Variants in ZZZ3 observed in about 807,000 individuals in gnomAD.
The protein encoded by ZZZ3 is ZZ-type zinc finger-containing protein 3.
Under a neutral mutation model 95.2 loss-of-function variants are expected in ZZZ3, and 22 were observed. That is an observed-to-expected ratio of 0.23 (90% CI 0.17 to 0.33). ZZZ3 has a LOEUF of 0.33. ZZZ3 is among the 10% of genes least tolerant of loss of function. The probability of loss-of-function intolerance (pLI) is 1.00; values close to 1 mark genes in which losing one functional copy is unlikely to be tolerated. For missense variants in ZZZ3, 885 were observed against 1,066.5 expected (o/e 0.83, Z 2.37); for synonymous variants, 335 against 358.9 (o/e 0.93, Z 0.75).
chr1:77,652,044 G>C (rs920782244), intron 1 of ZZZ3, among the ~76,000 whole-genome samples: 1 of 150,656 alleles, frequency 6.6e-6, no homozygotes, highest in Non-Finnish European at 1.5e-5. Flanking sequence ...GGTTAAAATG[G>C]TAACTTTTAC....
intron 1 of ZZZ3, among the ~76,000 whole-genome samples, chr1:77,670,426 A>T (rs980497332): frequency 2.6e-5 from 4 of 151,914 alleles, no homozygotes; most frequent in African/African-American, 9.7e-5. Flanking sequence ...ATGCCTGGCT[A>T]ATTTTTTGTT....
Position 77,632,999 on chromosome 1 carries a change from A to C in ZZZ3, c.356T>G (p.Ile119Ser), listed in dbSNP as rs1667952418. 4 of 1,614,008 alleles carry C rather than the reference A, an allele frequency of 2.5e-6. No individual in the cohort carries two copies. The highest frequency in any genetic ancestry group is 3.4e-6 in the Non-Finnish European group (4 of 1,180,012). The change falls in exon 5 of 15, where the codon ATT (isoleucine) becomes AGT (serine). Residue 119 changes from isoleucine to serine, a missense_variant. Physicochemically the swap from Ile to Ser is moderately radical, Grantham distance 142. Around this residue, in one of 5 missense-constraint regions of ZZZ3, gnomAD observed 556 missense variants for 652.9 expected, o/e 0.85. Coordinates refer to ENST00000370801, the MANE Select transcript of ZZZ3 (RefSeq NM_015534.6). ...TEPVSPVLKR[I>S]KRCLRSEAPN... ...TGCTTCAGATCTAAGACAACGCTTA[A>C]TTCTTTTTAAAACTGGTGAAACAGG...
intron 1 of ZZZ3, among the ~76,000 whole-genome samples, chr1:77,651,881 G>A (rs891791551): frequency 1.3e-5 from 2 of 152,034 alleles, no homozygotes; most frequent in South Asian, 2.1e-4. Context: ...GCTGGGCGTG[G>A]TGGCGTGCAT....
At chr1:77,596,248 T>G (rs995316160) in intron 5 of ZZZ3, among the ~76,000 whole-genome samples, 1 of 152,148 alleles carries the variant, frequency 6.6e-6, no homozygotes, top group Admixed American at 6.6e-5. Flanking sequence ...TAAAAAATTT[T>G]TCTTCAGTCT....
chr1:77,629,972 G>A (rs973303076), intron 5 of ZZZ3, among the ~76,000 whole-genome samples: 8 of 151,812 alleles, frequency 5.3e-5, no homozygotes, highest in African/African-American at 1.2e-4. Context: ...AATTATTATC[G>A]GGCAATCTCT....
At chr1:77,572,697 C>T (rs752255315) in intron 12 of ZZZ3, among the ~76,000 whole-genome samples, 3 of 151,842 alleles carry the variant, frequency 2.0e-5, no homozygotes, top group East Asian at 1.9e-4. Flanking sequence ...AATGCAGTGG[C>T]GTCATCCAGG....
chr1:77,609,608 G>A (rs1308558283), intron 5 of ZZZ3, among the ~76,000 whole-genome samples: 2 of 151,922 alleles, frequency 1.3e-5, no homozygotes, highest in Non-Finnish European at 2.9e-5. Flanking sequence ...TCAGCAAAAG[G>A]GTCATTTTTG....
chr1:77,580,977 C>G, intron 9 of ZZZ3, 21 bp downstream of exon 9: 3 of 1,607,168 alleles, frequency 1.9e-6, no homozygotes, highest in Non-Finnish European at 2.6e-6. Context: ...TAAGCCTACA[C>G]GATTTTGAAA....
chr1:77,668,165 A>T (rs1557778949), intron 1 of ZZZ3, among the ~76,000 whole-genome samples: 1 of 151,992 alleles, frequency 6.6e-6, no homozygotes, highest in Admixed American at 6.6e-5. Context: ...CCCCAATGGA[A>T]TTTTTTTTGT....
chr1:77,667,256 A>G (rs1432010849), intron 1 of ZZZ3, among the ~76,000 whole-genome samples: 2 of 152,336 alleles, frequency 1.3e-5, no homozygotes, highest in East Asian at 3.9e-4. Flanking sequence ...ATAAACTCAA[A>G]CTGACACTTC....
At chr1:77,661,632 C>A (rs1426956297) in intron 1 of ZZZ3, among the ~76,000 whole-genome samples, 1 of 152,098 alleles carries the variant, frequency 6.6e-6, no homozygotes, top group African/African-American at 2.4e-5. Context: ...AGATTAACTA[C>A]TTTTCTCTTC....
intron 5 of ZZZ3, among the ~76,000 whole-genome samples, chr1:77,609,498 CAAAG>C (rs145372132): frequency 0.012 from 1,875 of 152,200 alleles, 35 homozygotes; most frequent in African/African-American, 0.044. Context: ...GAAAAATAAA[CAAAG>C]AAACAGCAGA....
chr1:77,650,326 A>G (rs1557762720), intron 1 of ZZZ3, among the ~76,000 whole-genome samples: 1 of 152,240 alleles, frequency 6.6e-6, no homozygotes, highest in Non-Finnish European at 1.5e-5. Flanking sequence ...ATAGTCTAAA[A>G]ATAGTTTCAA....
At chr1:77,680,587 G>A (rs1417156852) in intron 1 of ZZZ3, among the ~76,000 whole-genome samples, 3 of 152,094 alleles carry the variant, frequency 2.0e-5, no homozygotes, top group Non-Finnish European at 2.9e-5. Flanking sequence ...TAGGTTTGGC[G>A]GGGGGAAATT....
At chr1:77,598,787 T>C (rs1664453367) in intron 5 of ZZZ3, among the ~76,000 whole-genome samples, 1 of 152,184 alleles carries the variant, frequency 6.6e-6, no homozygotes, top group East Asian at 1.9e-4. Context: ...TTAGATATTA[T>C]CTCTATTTTA....
intron 5 of ZZZ3, among the ~76,000 whole-genome samples, chr1:77,599,441 T>C (rs1664527841): frequency 6.6e-6 from 1 of 152,002 alleles, no homozygotes; most frequent in Admixed American, 6.6e-5. Context: ...ACTTTACAGA[T>C]GACATAAACA....
intron 12 of ZZZ3, among the ~76,000 whole-genome samples, chr1:77,570,663 T>TTTA (rs931409047): frequency 6.7e-6 from 1 of 149,648 alleles, no homozygotes; most frequent in African/African-American, 2.4e-5. Flanking sequence ...TTTTTATTAT[T>TTTA]TTATTATTAT....
At chr1:77,673,610 A>G (rs1416717088) in intron 1 of ZZZ3, among the ~76,000 whole-genome samples, 2 of 152,052 alleles carry the variant, frequency 1.3e-5, no homozygotes, top group East Asian at 3.9e-4. Flanking sequence ...CACACAAATA[A>G]AAGTTGCACT....
chr1:77,631,088 T>C (rs1201217401), intron 5 of ZZZ3, among the ~76,000 whole-genome samples: 1 of 152,212 alleles, frequency 6.6e-6, no homozygotes, highest in East Asian at 1.9e-4. Context: ...TCCAAATCTT[T>C]TGTGTTATGG....
Sources: allele counts gnomAD v4.1 joint callset (sites outside exome capture counted in the v4.1 genomes callset), GRCh38; gene constraint gnomAD v4.1.1; regional missense constraint gnomAD v4.1.1; transcripts MANE v1.5; gene names NCBI Gene and HGNC (gene_info 2026-07-23, HGNC 2026-07-21).